DPH6: variants seen among roughly 807,000 people sequenced by gnomAD.
DPH6 encodes the protein diphthamine biosynthesis 6.
In DPH6, 33 loss-of-function variants were observed where a neutral mutation model predicts 38.2. The observed-to-expected ratio is 0.86, with a 90% confidence interval of 0.65 to 1.15. The LOEUF (loss-of-function observed/expected upper bound fraction) is 1.15, where lower values mean the gene tolerates loss of function less well. Among genes scored for constraint, DPH6 ranks in the 50% most tolerant of loss-of-function variants. The pLI, the probability that DPH6 is intolerant of heterozygous loss-of-function variation, is 0.00. For synonymous variants in DPH6, 108 were observed against 103.0 expected, an observed-to-expected ratio of 1.05 and a Z score of -0.30; for missense variants, 325 against 320.0, an observed-to-expected ratio of 1.02 and a Z score of -0.12.
the DPH6 span, among the ~76,000 whole-genome samples, chr15:35,155,720 T>C: frequency 6.6e-6 from 1 of 152,200 alleles, no homozygotes; most frequent in South Asian, 2.1e-4. Context: ...ATGAAAAAGA[T>C]AACCACAGAT....
intron 3 of DPH6, among the ~76,000 whole-genome samples, chr15:35,299,699 T>C (rs942576866): frequency 1.3e-5 from 2 of 152,224 alleles, no homozygotes; most frequent in African/African-American, 2.4e-5. Context: ...AGATACACCT[T>C]AGGGAAAGAC....
At chr15:35,250,144 C>T (rs879576550) in intron 3 of DPH6, among the ~76,000 whole-genome samples, 2 of 151,972 alleles carry the variant, frequency 1.3e-5, no homozygotes, top group Non-Finnish European at 2.9e-5. Flanking sequence ...CGCCACTGCA[C>T]TCCAGCCTGG....
In DPH6 at chr15:35,395,115, A is replaced by G. The variant is rs528488466; in HGVS notation, c.568-13199T>C. On this transcript the variant is annotated intron_variant, in intron 6 of 8. Transcript: ENST00000256538. ...TCAACCTTGTTCTCTGCAGAAATAAATGCTTCCAGTTCTCCCAATCATTAT... is the reference window on the plus strand; with the variant it reads ...TCAACCTTGTTCTCTGCAGAAATAAGTGCTTCCAGTTCTCCCAATCATTAT... 5.3e-5 allele frequency among the ~76,000 whole-genome samples: 8 copies of G among 152,314 alleles called. No homozygotes were observed. In the South Asian group the frequency reaches 1.5e-3, roughly 28 times the overall value.
At chr15:35,360,295 T>G (rs920233872) in intron 3 of DPH6, among the ~76,000 whole-genome samples, 1 of 151,772 alleles carries the variant, frequency 6.6e-6, no homozygotes, top group Admixed American at 6.6e-5. Context: ...GGCCTGTTAC[T>G]GCGGGCACAG....
rs79071355 is a variant in DPH6 at position 35,531,990 on chromosome 15, T to C, written c.312+6284A>G. On this transcript the variant is annotated intron_variant, in intron 3 of 8. Transcript: ENST00000256538. Reference sequence around the variant, plus strand: ...CAGTAGAGTTATAGACAAGCTGCCATGGAACAGAAAGGAGGAAGGTAAATT... The same window carrying C: ...CAGTAGAGTTATAGACAAGCTGCCACGGAACAGAAAGGAGGAAGGTAAATT... Among the ~76,000 whole-genome samples the C allele has an allele frequency of 8.0e-3, 1,214 of 152,042 alleles. 31 individuals are homozygous for C. The highest frequency in any genetic ancestry group is 0.028 in the African/African-American group (1,152 of 41,464).
intron 3 of DPH6, among the ~76,000 whole-genome samples, chr15:35,477,715 T>C (rs979620652): frequency 1.3e-5 from 2 of 152,034 alleles, no homozygotes; most frequent in South Asian, 2.1e-4. Context: ...AACTAACCAA[T>C]TGTTTAAATT....
At chr15:35,173,484 T>C in the DPH6 span, among the ~76,000 whole-genome samples, 33 of 152,092 alleles carry the variant, frequency 2.2e-4, no homozygotes, top group Non-Finnish European at 8.8e-5. Context: ...TCTCCTCAAC[T>C]CCAACCTTCT....
In DPH6 at chr15:35,538,362, CT is replaced by C; in HGVS notation, c.223del (p.Arg75GlufsTer26). On this transcript the variant is annotated frameshift_variant, in exon 3 of 9. Transcript: ENST00000256538. LOFTEE classifies it high-confidence loss of function. ...MALPLYRRTI[R>X]GRSLDTRQVY... is the part of the protein sequence containing the mutation. The stretch of plus-strand genomic sequence containing the variant: ...TTGTCTTGTATCCAAGCTCCTTCCT[CT>C]TATGGTTCGGCGATAGAGGGGAAGA... 6.2e-7 allele frequency: 1 copy of C among 1,612,066 alleles called. No homozygotes were observed. Among genetic ancestry groups the C allele is most frequent in the Non-Finnish European group, 8.5e-7 (1 of 1,178,484 alleles).
intron 3 of DPH6, among the ~76,000 whole-genome samples, chr15:35,303,019 A>C (rs993204950): frequency 6.6e-6 from 1 of 152,142 alleles, no homozygotes; most frequent in Non-Finnish European, 1.5e-5. Context: ...TATTGGGGCA[A>C]GTCTTCTTTG....
intron 3 of DPH6, among the ~76,000 whole-genome samples, chr15:35,529,060 C>G (rs2055046640): frequency 1.3e-5 from 2 of 152,208 alleles, no homozygotes; most frequent in African/African-American, 4.8e-5. Flanking sequence ...TGGCTAAGAA[C>G]TTCCGGTAAT....
chr15:35,321,106 A>G (rs1165642785), intron 3 of DPH6, among the ~76,000 whole-genome samples: 1 of 152,224 alleles, frequency 6.6e-6, no homozygotes, highest in African/African-American at 2.4e-5. Flanking sequence ...GATTATAGAA[A>G]CTATGCCTAC....
chr15:35,322,332 T>G (rs2052247815), intron 3 of DPH6, among the ~76,000 whole-genome samples: 1 of 152,128 alleles, frequency 6.6e-6, no homozygotes, highest in Non-Finnish European at 1.5e-5. Context: ...AGGGGAGGGT[T>G]AGATTAGGGA....
At chr15:35,163,599 A>C in the DPH6 span, among the ~76,000 whole-genome samples, 1 of 152,056 alleles carries the variant, frequency 6.6e-6, no homozygotes, top group South Asian at 2.1e-4. Flanking sequence ...CACAGCCTCA[A>C]ATACATCTCT....
intron 3 of DPH6, among the ~76,000 whole-genome samples, chr15:35,283,233 T>C (rs931488643): frequency 1.3e-5 from 2 of 149,028 alleles, no homozygotes; most frequent in Non-Finnish European, 3.0e-5. Context: ...TTCTTCTTTC[T>C]TCCTCTTCCT....
chr15:35,195,384 A>C, the DPH6 span, among the ~76,000 whole-genome samples: 9 of 152,224 alleles, frequency 5.9e-5, no homozygotes, highest in African/African-American at 1.7e-4. Flanking sequence ...AGTGATTAAT[A>C]TAACCATTTT....
chr15:35,321,246 G>C (rs2052238139), intron 3 of DPH6, among the ~76,000 whole-genome samples: 2 of 152,222 alleles, frequency 1.3e-5, no homozygotes, highest in Admixed American at 1.3e-4. Flanking sequence ...TTCCTCCCAT[G>C]GTTAGCTTGG....
At chr15:35,518,579 G>A (rs1346644765) in intron 3 of DPH6, among the ~76,000 whole-genome samples, 4 of 151,920 alleles carry the variant, frequency 2.6e-5, no homozygotes, top group Non-Finnish European at 4.4e-5. Context: ...AGATTCCAAA[G>A]ACAGCTTATT....
chr15:35,500,460 T>C (rs1224859396), intron 3 of DPH6, among the ~76,000 whole-genome samples: 1 of 152,198 alleles, frequency 6.6e-6, no homozygotes, highest in Non-Finnish European at 1.5e-5. Context: ...ATGAGAGCAC[T>C]AGGGCTATTT....
At chr15:35,495,623 C>T (rs8043512) in intron 3 of DPH6, among the ~76,000 whole-genome samples, 24,064 of 151,980 alleles carry the variant, frequency 0.16, 3,556 homozygotes, top group African/African-American at 0.4. Context: ...TGTACTAGAT[C>T]CACAGACAGA....
Sources: gnomAD v4.1 joint callset for allele counts (sites outside exome capture counted in the v4.1 genomes callset) on GRCh38, gnomAD v4.1.1 for gene constraint, MANE v1.5 for transcripts, NCBI Gene and HGNC (gene_info 2026-07-23, HGNC 2026-07-21) for gene names.